Variants in CD38 observed in about 807,000 individuals in gnomAD.
CD38 encodes the protein ADP-ribosyl cyclase/cyclic ADP-ribose hydrolase 1.
Under a neutral mutation model 36.3 loss-of-function variants are expected in CD38, and 31 were observed. The ratio of observed to expected loss-of-function variants is 0.85; its 90% CI spans 0.64 to 1.15. The LOEUF is 1.15. Ranked by LOEUF, CD38 falls within the 50% of genes most tolerant of loss-of-function variation. The probability of loss-of-function intolerance (pLI) is 0.00; values close to 1 mark genes in which losing one functional copy is unlikely to be tolerated. For synonymous variants in CD38, 131 were observed against 135.2 expected (o/e 0.97, Z 0.22); for missense variants, 380 against 371.9 (o/e 1.02, Z -0.18).
At chr4:15,780,104 C>T (rs975842946) in intron 1 of CD38, among the ~76,000 whole-genome samples, 9 of 152,210 alleles carry the variant, frequency 5.9e-5, no homozygotes, top group Non-Finnish European at 8.8e-5. Context: ...AATCTTCATA[C>T]ATACATTGTG....
rs200918057 is a variant in CD38 at position 15,823,835 on chromosome 4, A to G, written c.364-1046A>G. On this transcript the variant is annotated intron_variant, in intron 2 of 7. Transcript: ENST00000226279. ...TGGGTATAATAGAAATCATTCTATT[A>G]TAAAGATATGTGCATGCATATGTTC... is the stretch of plus-strand genomic sequence containing the variant. Among the ~76,000 whole-genome samples the G allele has an allele frequency of 3.0e-4, 46 of 152,384 alleles. No individual in the cohort carries two copies. The East Asian group carries it at 8.9e-3, about 29-fold the overall frequency.
chr4:15,847,056 TG>T, intron 7 of CD38, among the ~76,000 whole-genome samples: 1 of 20,190 alleles, frequency 5.0e-5, no homozygotes, highest in Non-Finnish European at 7.4e-5. Flanking sequence ...ATCCCATTAC[TG>T]GGTATATAAC....
At chr4:15,779,596 C>T (rs887651137) in intron 1 of CD38, among the ~76,000 whole-genome samples, 1 of 152,176 alleles carries the variant, frequency 6.6e-6, no homozygotes, top group Non-Finnish European at 1.5e-5. Flanking sequence ...ATAGACCTCC[C>T]TCGCCTCTCC....
intron 1 of CD38, among the ~76,000 whole-genome samples, chr4:15,798,883 C>G (rs1430328591): frequency 2.0e-5 from 3 of 151,988 alleles, no homozygotes. Flanking sequence ...CTGTCTTTTG[C>G]TTGTTCTTAT....
intron 2 of CD38, among the ~76,000 whole-genome samples, chr4:15,820,326 T>C (rs1267050072): frequency 6.6e-6 from 1 of 152,156 alleles, no homozygotes; most frequent in Non-Finnish European, 1.5e-5. Flanking sequence ...GATAACTGGA[T>C]CAAATTCACA....
intron 1 of CD38, among the ~76,000 whole-genome samples, chr4:15,810,702 G>A (rs1723449161): frequency 6.6e-6 from 1 of 152,200 alleles, no homozygotes; most frequent in Non-Finnish European, 1.5e-5. Flanking sequence ...AAGTGTGGAT[G>A]AAGTGGAAAT....
At chr4:15,782,120 T>C (rs1162943202) in intron 1 of CD38, among the ~76,000 whole-genome samples, 2 of 152,192 alleles carry the variant, frequency 1.3e-5, no homozygotes, top group Non-Finnish European at 2.9e-5. Context: ...GGCCTCTCCA[T>C]ATGGTCTCTC....
At chr4:15,791,371 C>T (rs1375976534) in intron 1 of CD38, among the ~76,000 whole-genome samples, 2 of 43,714 alleles carry the variant, frequency 4.6e-5, no homozygotes, top group Admixed American at 1.4e-4. Flanking sequence ...GCCCCCCGCC[C>T]GGCCGGCCGC....
intron 1 of CD38, among the ~76,000 whole-genome samples, chr4:15,787,523 C>T (rs1722864826): frequency 6.6e-6 from 1 of 152,142 alleles, no homozygotes; most frequent in Non-Finnish European, 1.5e-5. Context: ...TTCTGTAGAC[C>T]TCAAAGGTGA....
intron 3 of CD38, 126 bp from the exon 4 acceptor site, chr4:15,834,091 T>G: frequency 1.6e-6 from 1 of 643,270 alleles, no homozygotes; most frequent in Non-Finnish European, 2.8e-6. Flanking sequence ...GTGTCCATTC[T>G]CCAGCCTCCG....
intron 2 of CD38, among the ~76,000 whole-genome samples, chr4:15,818,918 G>A (rs962556070): frequency 6.6e-6 from 1 of 152,212 alleles, no homozygotes; most frequent in Non-Finnish European, 1.5e-5. Context: ...GCACAAAAAT[G>A]CTGAAAACTC....
intron 4 of CD38, among the ~76,000 whole-genome samples, chr4:15,836,524 T>A (rs994572220): frequency 2.0e-5 from 3 of 152,150 alleles, no homozygotes; most frequent in Non-Finnish European, 4.4e-5. Context: ...TCCCATTGAG[T>A]CATCCCCATA....
At chr4:15,835,340 T>C (rs1221822993) in intron 4 of CD38, among the ~76,000 whole-genome samples, 2 of 149,358 alleles carry the variant, frequency 1.3e-5, no homozygotes, top group African/African-American at 4.9e-5. Context: ...GTTCCTTCCA[T>C]GTTGCTGCAA....
intron 1 of CD38, among the ~76,000 whole-genome samples, chr4:15,788,210 T>C (rs1247642855): frequency 6.6e-6 from 1 of 152,188 alleles, no homozygotes; most frequent in Non-Finnish European, 1.5e-5. Flanking sequence ...GTGCCCATGA[T>C]GGGCATTGCT....
At position 15,824,861 on chromosome 4, in the gene CD38, T is replaced by C. The variant is rs757010410; in HGVS notation, c.364-20T>C. On this transcript the variant is annotated intron_variant, in intron 2 of 7. Coordinates refer to ENST00000226279, the MANE Select transcript of CD38 (RefSeq NM_001775.4). ...ATGCTAAATTGATCTCAGTAATAGA[T>C]TGTATTTATTCTTCCTTAGATTCTT... The C allele has an allele frequency of 6.2e-7, 1 of 1,601,618 alleles. No homozygotes were observed. Among genetic ancestry groups the C allele is most frequent in the African/African-American group, 1.3e-5 (1 of 74,638 alleles).
At chr4:15,847,522 C>G (rs1214438974) in intron 7 of CD38, among the ~76,000 whole-genome samples, 4 of 107,756 alleles carry the variant, frequency 3.7e-5, no homozygotes, top group Non-Finnish European at 5.3e-5. Context: ...AACTAACCTG[C>G]ACAATGTGCA....
At chr4:15,835,363 C>CTTTTT (rs35143834) in intron 4 of CD38, among the ~76,000 whole-genome samples, 15 of 57,706 alleles carry the variant, frequency 2.6e-4, no homozygotes, top group Admixed American at 6.4e-4. Context: ...GACAGGAATA[C>CTTTTT]TTTTTTTTTT....
At chr4:15,786,087 G>A (rs1483475472) in intron 1 of CD38, among the ~76,000 whole-genome samples, 6 of 152,130 alleles carry the variant, frequency 3.9e-5, no homozygotes, top group South Asian at 2.1e-4. Context: ...GCAGACTTTC[G>A]TGGTGAGTGT....
At chr4:15,842,329 A>G (rs1301409877) in intron 7 of CD38, among the ~76,000 whole-genome samples, 1 of 136,532 alleles carries the variant, frequency 7.3e-6, no homozygotes, top group Non-Finnish European at 1.6e-5. Context: ...GAGTATTCCA[A>G]CAGACCTGCA....
Sources: gnomAD v4.1 joint callset for allele counts (sites outside exome capture counted in the v4.1 genomes callset) on GRCh38, gnomAD v4.1.1 for gene constraint, MANE v1.5 for transcripts, NCBI Gene and HGNC (gene_info 2026-07-23, HGNC 2026-07-21) for gene names.